Variants in SLC17A3 observed in about 807,000 individuals in gnomAD.
SLC17A3 encodes the protein solute carrier family 17 member 3.
In SLC17A3, 61 loss-of-function variants were observed where a neutral mutation model predicts 60.3. That is an observed-to-expected ratio of 1.01 (90% CI 0.82 to 1.25). The LOEUF is 1.25. SLC17A3 is among the 50% of genes most tolerant of loss of function. SLC17A3 has a pLI of 0.00. For synonymous variants in SLC17A3, 192 were observed against 208.9 expected (o/e 0.92, Z 0.70); for missense variants, 624 against 594.9 (o/e 1.05, Z -0.51).
chr6:25,848,725 G>A (rs1765219708), intron 11 of SLC17A3, among the ~76,000 whole-genome samples: 1 of 152,010 alleles, frequency 6.6e-6, no homozygotes, highest in Admixed American at 6.5e-5. Flanking sequence ...AAAAGCAAAT[G>A]CAATAAAAAC....
In SLC17A3 at chr6:25,850,480, C is replaced by T. The variant is rs765717284; in HGVS notation, c.972G>A (p.Val324=). 6.2e-7 allele frequency: 1 copy of T among 1,613,784 alleles called. No homozygotes were observed. Among genetic ancestry groups the T allele is most frequent in the Non-Finnish European group, 8.5e-7 (1 of 1,179,812 alleles). The part of the protein sequence containing the change: ...VVYIPTYISS[V]YHVNIRDNGL... ...TCACGTCTCTGATGTTAACATGGTACACAGAGCTGATGTAAGTTGGTATGT... is the reference window on the plus strand; with the variant it reads ...TCACGTCTCTGATGTTAACATGGTATACAGAGCTGATGTAAGTTGGTATGT... The change falls in exon 8 of 13, where the codon GTG becomes GTA. Residue 324 remains valine, a synonymous_variant. Transcript: ENST00000397060.
chr6:25,849,682 A>G (rs1393923949), intron 10 of SLC17A3, 123 bp downstream of exon 10: 1 of 1,174,158 alleles, frequency 8.5e-7, no homozygotes, highest in Non-Finnish European at 1.3e-6. Context: ...AAAAACGGCC[A>G]CAGGTCTATC....
intron 2 of SLC17A3, among the ~76,000 whole-genome samples, chr6:25,864,525 T>A (rs1173216032): frequency 6.6e-6 from 1 of 151,828 alleles, no homozygotes; most frequent in Non-Finnish European, 1.5e-5. Context: ...AAATAAGAGT[T>A]TCAGTTTTAC....
intron 11 of SLC17A3, 79 bp from the exon 12 acceptor site, chr6:25,845,595 A>G: frequency 2.0e-6 from 3 of 1,506,668 alleles, no homozygotes; most frequent in African/African-American, 1.4e-5. Flanking sequence ...TTCAGATGAC[A>G]ACATTCACTG....
At chr6:25,863,048 T>C (rs1205664757) in intron 2 of SLC17A3, among the ~76,000 whole-genome samples, 1 of 151,832 alleles carries the variant, frequency 6.6e-6, no homozygotes, top group Admixed American at 6.6e-5. Flanking sequence ...TTCACTCAAG[T>C]GAAAAATAGT....
rs1278405045 is a variant in SLC17A3, at chr6:25,853,477, G to A, written c.712+1667C>T. Among the ~76,000 whole-genome samples the A allele has an allele frequency of 2.2e-5, 3 of 133,738 alleles. No individual in the cohort carries two copies. In the East Asian group the frequency reaches 6.8e-4, roughly 30 times the overall value. The allele number at this position is 133,738 out of a possible 152,430, so 87.7% of individuals were successfully genotyped here. On this transcript the variant is annotated intron_variant, in intron 6 of 12. Coordinates refer to ENST00000397060, the MANE Select transcript of SLC17A3 (RefSeq NM_001098486.2). ...GTGGCCCAGGTTGGAGTGCAGTGGT[G>A]CGATCTTGGCTCACTGCAAGCTCCG...
chr6:25,857,731 C>T lies in SLC17A3; in HGVS notation c.626-2501G>A, dbSNP rs1179340531. On this transcript the variant is annotated intron_variant, in intron 5 of 12. Transcript: ENST00000397060. ...GAAATGAGACTGCCTGACCCCAGGC[C>T]ACAGATACATGGAGATGGAAAACAG... is the stretch of plus-strand genomic sequence containing the variant. 3.3e-5 allele frequency among the ~76,000 whole-genome samples: 5 copies of T among 152,116 alleles called. No homozygotes were observed. The East Asian group carries it at 9.6e-4, about 29-fold the overall frequency.
intron 6 of SLC17A3, among the ~76,000 whole-genome samples, chr6:25,851,309 T>C (rs531738937): frequency 6.6e-6 from 1 of 152,106 alleles, no homozygotes; most frequent in African/African-American, 2.4e-5. Context: ...ATAAAAATCC[T>C]TATTATACAT....
chr6:25,868,379 G>A lies in SLC17A3; in HGVS notation c.9C>T (p.Thr3=), dbSNP rs368036785. The change falls in exon 2 of 13, where the codon ACC becomes ACT. Residue 3 remains threonine (T), a synonymous_variant. Coordinates refer to ENST00000397060, the MANE Select transcript of SLC17A3 (RefSeq NM_001098486.2). MA[T]KTELSPTARE... ...TTGCTGTGGGACTCAACTCTGTCTTGGTGGCCATTGTGTTTCTCCTCTCCT... is the reference window on the plus strand; with the variant it reads ...TTGCTGTGGGACTCAACTCTGTCTTAGTGGCCATTGTGTTTCTCCTCTCCT... 32 of 1,611,622 alleles carry A rather than the reference G, an allele frequency of 2.0e-5. No individual in the cohort carries two copies. Among genetic ancestry groups the A allele is most frequent in the Non-Finnish European group, 2.7e-5 (32 of 1,178,544 alleles).
chr6:25,868,018 A>G (rs532120108), intron 2 of SLC17A3, among the ~76,000 whole-genome samples: 1 of 152,004 alleles, frequency 6.6e-6, no homozygotes, highest in East Asian at 1.9e-4. Flanking sequence ...ATTACATGCA[A>G]TCACAAGCAG....
chr6:25,867,147 T>C (rs1765549306), intron 2 of SLC17A3, among the ~76,000 whole-genome samples: 1 of 152,006 alleles, frequency 6.6e-6, no homozygotes, highest in South Asian at 2.1e-4. Context: ...TACTATGGTC[T>C]TCATATTCAA....
At chr6:25,855,519 A>G (rs1256410556) in intron 5 of SLC17A3, among the ~76,000 whole-genome samples, 1 of 152,240 alleles carries the variant, frequency 6.6e-6, no homozygotes, top group Non-Finnish European at 1.5e-5. Flanking sequence ...GTAAACTACT[A>G]CAAGGAGCCA....
chr6:25,853,214 G>C (rs1765306915), intron 6 of SLC17A3, among the ~76,000 whole-genome samples: 1 of 151,866 alleles, frequency 6.6e-6, no homozygotes, highest in African/African-American at 2.4e-5. Context: ...CTACATGAAT[G>C]AATGAAAAAG....
At chr6:25,852,007 T>G (rs1249185619) in intron 6 of SLC17A3, among the ~76,000 whole-genome samples, 1 of 152,198 alleles carries the variant, frequency 6.6e-6, no homozygotes, top group Non-Finnish European at 1.5e-5. Context: ...TGACATTTCT[T>G]ATTATTTCAG....
intron 1 of SLC17A3, among the ~76,000 whole-genome samples, chr6:25,872,058 C>G (rs1454591047): frequency 6.6e-6 from 1 of 151,894 alleles, no homozygotes; most frequent in African/African-American, 2.4e-5. Flanking sequence ...ATTTTTCAAG[C>G]TAGTTGTTGA....
Position 25,861,847 on chromosome 6 carries a change from G to A in SLC17A3, c.486C>T (p.Asp162=). Residue 162 remains aspartate, a synonymous_variant, in exon 4 of 13, where the codon GAC becomes GAT. Coordinates refer to ENST00000397060, the MANE Select transcript of SLC17A3 (RefSeq NM_001098486.2). ...TTACAATGAGCAAGACTATTCCAAA[G>A]TCAGTGGCCAGAGGGATGCATAGAG... ...FLTLCIPLAT[D]FGIVLLIVTR... 5 of 1,613,652 alleles carry A rather than the reference G, an allele frequency of 3.1e-6. No individual in the cohort carries two copies. In the Middle Eastern group the frequency reaches 8.2e-4, roughly 266 times the overall value.
chr6:25,864,722 T>C (rs1417921837), intron 2 of SLC17A3, among the ~76,000 whole-genome samples: 1 of 151,994 alleles, frequency 6.6e-6, no homozygotes, highest in Non-Finnish European at 1.5e-5. Context: ...AGAGAAGATG[T>C]TGAGCATGTT....
intron 2 of SLC17A3, among the ~76,000 whole-genome samples, chr6:25,865,238 G>A (rs1426184720): frequency 6.6e-6 from 1 of 151,976 alleles, no homozygotes; most frequent in Non-Finnish European, 1.5e-5. Flanking sequence ...GAATACTTCT[G>A]TGATTAATAC....
chr6:25,861,535 G>T (rs1049853296), intron 5 of SLC17A3, 89 bp downstream of exon 5: 3 of 986,330 alleles, frequency 3.0e-6, no homozygotes, highest in Non-Finnish European at 4.9e-6. Context: ...TTGAGCAGAT[G>T]ATGAGGAACT....
Sources: gnomAD v4.1 joint callset for allele counts (sites outside exome capture counted in the v4.1 genomes callset) on GRCh38, gnomAD v4.1.1 for gene constraint, MANE v1.5 for transcripts, NCBI Gene and HGNC (gene_info 2026-07-23, HGNC 2026-07-21) for gene names.